The following LMTK2 variants were observed in gnomAD, a reference collection of about 807,000 sequenced individuals.
The protein encoded by LMTK2 is lemur tail kinase 2.
A neutral mutation model predicts 127.5 loss-of-function variants in LMTK2; 37 were observed. That is an observed-to-expected ratio of 0.29 (90% CI 0.22 to 0.38). The LOEUF (loss-of-function observed/expected upper bound fraction) is 0.38, where lower values mean the gene tolerates loss of function less well. LMTK2 is among the 10% of genes least tolerant of loss of function. The pLI, the probability that LMTK2 is intolerant of heterozygous loss-of-function variation, is 1.00. For missense variants in LMTK2, 1,694 were observed against 1,920.3 expected, an observed-to-expected ratio of 0.88 and a Z score of 2.20; for synonymous variants, 819 against 810.1, an observed-to-expected ratio of 1.01 and a Z score of -0.19.
intron 6 of LMTK2, among the ~76,000 whole-genome samples, chr7:98,170,188 AT>A (rs1230769896): frequency 6.6e-6 from 1 of 152,188 alleles, no homozygotes; most frequent in African/African-American, 2.4e-5. Flanking sequence ...TCAGTTCCAT[AT>A]CTGGTAAACA....
At chr7:98,123,261 C>T (rs1199820141) in intron 1 of LMTK2, among the ~76,000 whole-genome samples, 25 of 152,190 alleles carry the variant, frequency 1.6e-4, no homozygotes, top group African/African-American at 2.4e-5. Context: ...GTGCATTCAC[C>T]CTTTTTCTCA....
At chr7:98,170,591 G>C (rs966784513) in intron 6 of LMTK2, among the ~76,000 whole-genome samples, 2 of 150,214 alleles carry the variant, frequency 1.3e-5, no homozygotes, top group Non-Finnish European at 3.0e-5. Flanking sequence ...TCTTGACTCA[G>C]ATTTAAAGAA....
At chr7:98,150,307 CAAA>C (rs35422809) in intron 3 of LMTK2, among the ~76,000 whole-genome samples, 6 of 116,950 alleles carry the variant, frequency 5.1e-5, no homozygotes, top group African/African-American at 3.9e-5. Flanking sequence ...GACCCTGTCT[CAAA>C]AAAAAAAAAA....
At chr7:98,205,344 T>C in intron 13 of LMTK2, 120 bp from the exon 14 acceptor site, 2 of 1,206,716 alleles carry the variant, frequency 1.7e-6, no homozygotes, top group Non-Finnish European at 2.4e-6. Flanking sequence ...GCTCAGGCGG[T>C]GCTGGGCTCA....
intron 4 of LMTK2, among the ~76,000 whole-genome samples, chr7:98,152,711 G>T (rs371280180): frequency 2.6e-5 from 4 of 152,148 alleles, no homozygotes; most frequent in Middle Eastern, 3.2e-3. Context: ...GCCTTGCTCG[G>T]AATGAAACGG....
Position 98,133,907 on chromosome 7 carries a change from A to G in LMTK2, c.104-3408A>G, listed in dbSNP as rs147884383. ...GTAGTTTGTGATGCTTAAAAAAACA[A>G]AACAAAAACTCTGGGTGCAAGAGAG... is the stretch of plus-strand genomic sequence containing the variant. On this transcript the variant is annotated intron_variant, in intron 1 of 13. Transcript: ENST00000297293. Among the ~76,000 whole-genome samples, 834 of 152,352 alleles carry G rather than the reference A, an allele frequency of 5.5e-3. 5 individuals are homozygous for G. Among genetic ancestry groups the G allele is most frequent in the South Asian group, 0.022 (108 of 4,830 alleles).
At chr7:98,128,537 T>C (rs1375866467) in intron 1 of LMTK2, among the ~76,000 whole-genome samples, 1 of 152,212 alleles carries the variant, frequency 6.6e-6, no homozygotes, top group Non-Finnish European at 1.5e-5. Flanking sequence ...TTAGCAGCCC[T>C]AGCAAACTGA....
intron 3 of LMTK2, among the ~76,000 whole-genome samples, chr7:98,146,218 T>G (rs748592245): frequency 2.0e-5 from 3 of 152,198 alleles, no homozygotes; most frequent in Admixed American, 2.0e-4. Flanking sequence ...CCATTTTGAT[T>G]GCTGTAGCTT....
chr7:98,192,123 T>A lies in LMTK2; in HGVS notation c.1658T>A (p.Ile553Asn). Residue 553 changes from isoleucine (I) to asparagine (N), a missense_variant, in exon 11 of 14, where the codon ATC (isoleucine) becomes AAC (asparagine). Ile to Asn is a moderately radical substitution (Grantham distance 149). This residue lies in a region of LMTK2 where 527 missense variants were observed against 539.8 expected (regional missense o/e 0.98). Transcript: ENST00000297293. Reference sequence around the variant, plus strand: ...CTTTCTGTTGGAAGCGACTATTATATCCAGTTAGAAGAAAAAAGTGGTAGT... The same window carrying A: ...CTTTCTGTTGGAAGCGACTATTATAACCAGTTAGAAGAAAAAAGTGGTAGT... ...HNLSVGSDYYIQLEEKSGSNL... is the reference protein window; with the variant it reads ...HNLSVGSDYYNQLEEKSGSNL... 6.5e-7 allele frequency: 1 copy of A among 1,542,520 alleles called. No homozygotes were observed. The highest frequency in any genetic ancestry group is 8.7e-7 in the Non-Finnish European group (1 of 1,147,846).
At position 98,159,398 on chromosome 7, in the gene LMTK2, C is replaced by T; in HGVS notation, c.630C>T (p.Tyr210=). Residue 210 remains tyrosine (Y), a synonymous_variant, in exon 6 of 14, where the codon TAC becomes TAT. Coordinates refer to ENST00000297293, the MANE Select transcript of LMTK2 (RefSeq NM_014916.4). ...GACAGTGCGTAGAAGCGATTCCCTACCTCCTGGTGTTTGAGTTCTGTGACT... is the reference window on the plus strand; with the variant it reads ...GACAGTGCGTAGAAGCGATTCCCTATCTCCTGGTGTTTGAGTTCTGTGACT... ...CVGQCVEAIP[Y]LLVFEFCDLG... is the part of the protein sequence containing the mutation. 2 of 1,611,588 alleles carry T rather than the reference C, an allele frequency of 1.2e-6. No homozygotes were observed. The highest frequency in any genetic ancestry group is 2.2e-5 in the East Asian group (1 of 44,848).
chr7:98,194,122 C>CGAT lies in LMTK2; in HGVS notation c.3658_3660dup (p.Asp1220dup). On this transcript the variant is annotated inframe_insertion, in exon 11 of 14. Coordinates refer to ENST00000297293, the MANE Select transcript of LMTK2 (RefSeq NM_014916.4). The surrounding 1 kb of genome is among the most constrained non-coding windows in gnomAD (Gnocchi z 5.4). ...GCGGCGATGACTTCGAGACACAGGA[C>CGAT]GATCGCCCCTGCACCCTCGCTTCCA... 6.2e-7 allele frequency: 1 copy of CGAT among 1,614,078 alleles called. No individual in the cohort carries two copies. Among genetic ancestry groups the CGAT allele is most frequent in the Non-Finnish European group, 8.5e-7 (1 of 1,180,032 alleles).
intron 11 of LMTK2, among the ~76,000 whole-genome samples, chr7:98,197,031 GT>G (rs1797632377): frequency 6.6e-6 from 1 of 152,224 alleles, no homozygotes; most frequent in Non-Finnish European, 1.5e-5. Context: ...AAGTTGTGTA[GT>G]TTTTAAGCAG....
intron 5 of LMTK2, among the ~76,000 whole-genome samples, chr7:98,156,282 G>A (rs1195071741): frequency 6.6e-6 from 1 of 152,094 alleles, no homozygotes; most frequent in Non-Finnish European, 1.5e-5. Flanking sequence ...TGGCTAACAC[G>A]GTGAAGCCCC....
intron 7 of LMTK2, among the ~76,000 whole-genome samples, chr7:98,172,717 TCTTGA>T (rs534198005): frequency 1.6e-3 from 241 of 152,320 alleles, no homozygotes; most frequent in African/African-American, 5.5e-3. Flanking sequence ...CACCTGTGTG[TCTTGA>T]CTTGAAGAGA....
intron 1 of LMTK2, among the ~76,000 whole-genome samples, chr7:98,129,499 G>A (rs1181763345): frequency 4.6e-5 from 7 of 151,942 alleles, no homozygotes; most frequent in African/African-American, 1.7e-4. Context: ...CAAGTAGCTG[G>A]GACTACAGGT....
intron 7 of LMTK2, among the ~76,000 whole-genome samples, chr7:98,175,073 G>A (rs1211055602): frequency 6.6e-6 from 1 of 152,160 alleles, no homozygotes; most frequent in Admixed American, 6.5e-5. Context: ...ACTGAGGCTT[G>A]GGGTGCTGAG....
In LMTK2 at chr7:98,113,294, C is replaced by T. The variant is rs10246861; in HGVS notation, c.103+6014C>T. On this transcript the variant is annotated intron_variant, in intron 1 of 13. Transcript: ENST00000297293. The stretch of plus-strand genomic sequence containing the variant: ...ACTTCTCTCTCCTGCTGCCATGTGA[C>T]GAAGGACATGTTTGCTTCCCCTTCC... Among the ~76,000 whole-genome samples, 881 of 152,098 alleles carry T rather than the reference C, an allele frequency of 5.8e-3. 5 individuals are homozygous for T. The highest frequency in any genetic ancestry group is 7.6e-3 in the Admixed American group (116 of 15,282).
intron 6 of LMTK2, among the ~76,000 whole-genome samples, chr7:98,165,155 G>C (rs949283364): frequency 3.9e-5 from 6 of 152,218 alleles, no homozygotes; most frequent in Admixed American, 6.5e-5. Context: ...TTAGACCCAT[G>C]GGCTCTTAGA....
intron 6 of LMTK2, among the ~76,000 whole-genome samples, chr7:98,165,282 T>C (rs1474545502): frequency 6.6e-6 from 1 of 152,124 alleles, no homozygotes; most frequent in Non-Finnish European, 1.5e-5. Flanking sequence ...GTGAGTTGTC[T>C]TGACAACGCT....
Sources: allele counts gnomAD v4.1 joint callset (sites outside exome capture counted in the v4.1 genomes callset), GRCh38; gene constraint gnomAD v4.1.1; regional missense constraint gnomAD v4.1.1; non-coding constraint Gnocchi (gnomAD v3.1); transcripts MANE v1.5; gene names NCBI Gene and HGNC (gene_info 2026-07-23, HGNC 2026-07-21).